The following AHR variants were observed in gnomAD, a reference collection of about 807,000 sequenced individuals.
AHR encodes the protein aryl hydrocarbon receptor, also known as AH-receptor.
A neutral mutation model predicts 86.8 loss-of-function variants in AHR; 40 were observed. That is an observed-to-expected ratio of 0.46 (90% CI 0.36 to 0.60). AHR has a LOEUF of 0.60. AHR is among the 20% of genes least tolerant of loss of function. AHR has a pLI of 0.00. For missense variants in AHR, 1,001 were observed against 1,011.6 expected, an observed-to-expected ratio of 0.99 and a Z score of 0.14; for synonymous variants, 398 against 354.9, an observed-to-expected ratio of 1.12 and a Z score of -1.37.
intron 1 of AHR, among the ~76,000 whole-genome samples, chr7:17,308,554 A>C (rs1344566560): frequency 6.6e-6 from 1 of 152,132 alleles, no homozygotes; most frequent in African/African-American, 2.4e-5. Flanking sequence ...GGTTAAGTGG[A>C]GAAGTGAAGT....
chr7:17,323,735 A>C (rs1782197505), intron 3 of AHR, among the ~76,000 whole-genome samples: 1 of 152,208 alleles, frequency 6.6e-6, no homozygotes, highest in Non-Finnish European at 1.5e-5. Flanking sequence ...TCACATTCAA[A>C]GTCCTGTTAG....
At position 17,344,061 on chromosome 7, in the gene AHR, C is replaced by G. The variant is rs1782456550; in HGVS notation, c.*997C>G. On this transcript the variant is annotated 3_prime_UTR_variant, in exon 11 of 11. Transcript: ENST00000242057. ...GTGAAAAATCTGCTGTTAACTGCAACCTTGTTTATTAAATTGCAAGAAGCT... is the reference window on the plus strand; with the variant it reads ...GTGAAAAATCTGCTGTTAACTGCAAGCTTGTTTATTAAATTGCAAGAAGCT... The G allele has an allele frequency of 6.6e-6, 1 of 152,572 alleles. No individual in the cohort carries two copies. The highest frequency in any genetic ancestry group is 2.4e-5 in the African/African-American group (1 of 41,426). The allele number at this position is 152,572 out of a possible 1,614,324, so 9.5% of individuals were successfully genotyped here.
chr7:17,338,907 G>A (rs1782384775), intron 9 of AHR, 79 bp from the exon 10 acceptor site: 12 of 1,342,238 alleles, frequency 8.9e-6, no homozygotes, highest in Non-Finnish European at 1.2e-5. Context: ...TTTGCTTTAT[G>A]TTTTTCTTTT....
intron 9 of AHR, among the ~76,000 whole-genome samples, chr7:17,337,564 A>T (rs1180847812): frequency 7.1e-5 from 10 of 141,550 alleles, no homozygotes; most frequent in Non-Finnish European, 1.5e-4. Flanking sequence ...AAGCTCCGCC[A>T]CCCGGGTTCA....
At chr7:17,337,476 GTT>G (rs371840495) in intron 9 of AHR, among the ~76,000 whole-genome samples, 4 of 134,580 alleles carry the variant, frequency 3.0e-5, no homozygotes, top group Non-Finnish European at 3.3e-5. Flanking sequence ...ACATCTTTCT[GTT>G]TTTTTTTTTT....
At chr7:17,312,354 T>C (rs1252677831) in intron 2 of AHR, among the ~76,000 whole-genome samples, 2 of 152,174 alleles carry the variant, frequency 1.3e-5, no homozygotes, top group Non-Finnish European at 2.9e-5. Flanking sequence ...TCAAATTATA[T>C]ATGTTAAAAA....
intron 6 of AHR, among the ~76,000 whole-genome samples, chr7:17,333,065 G>A (rs576827863): frequency 3.2e-4 from 49 of 152,112 alleles, no homozygotes; most frequent in Non-Finnish European, 6.9e-4. Context: ...GTACAGGTTT[G>A]TAGCCTAGGA....
At position 17,334,980 on chromosome 7, in the gene AHR, C is replaced by T. The variant is rs566364753; in HGVS notation, c.1002C>T (p.Ala334=). The change falls in exon 8 of 11, where the codon GCC becomes GCT. Residue 334 remains alanine, a synonymous_variant. Transcript: ENST00000242057. ...FIHAADMLYC[A]ESHIRMIKTG... is the part of the protein sequence containing the mutation. ...ATGCAGCTGATATGCTTTATTGTGC[C>T]GAGTCCCATATCCGAAGTAAGTTGT... The T allele has an allele frequency of 4.3e-6, 7 of 1,612,520 alleles. No homozygotes were observed. Among genetic ancestry groups the T allele is most frequent in the East Asian group, 2.2e-5 (1 of 44,818 alleles).
At position 17,345,657 on chromosome 7, in the gene AHR, T is replaced by A. The variant is rs987883265; in HGVS notation, c.*2593T>A. ...ATAGGCTTTTTAATCATGAATATGA[T>A]GACAATCAGTTATACAGTTATAAAA... On this transcript the variant is annotated 3_prime_UTR_variant, in exon 11 of 11. Coordinates refer to ENST00000242057, the MANE Select transcript of AHR (RefSeq NM_001621.5). The A allele has an allele frequency of 3.3e-5, 5 of 152,670 alleles. No homozygotes were observed. The highest frequency in any genetic ancestry group is 7.4e-5 in the Non-Finnish European group (5 of 68,014). The allele number at this position is 152,670 out of a possible 1,614,324, so 9.5% of individuals were successfully genotyped here.
chr7:17,342,179 A>G (rs1316528887), intron 10 of AHR, among the ~76,000 whole-genome samples: 2 of 152,116 alleles, frequency 1.3e-5, no homozygotes, highest in African/African-American at 2.4e-5. Flanking sequence ...CAGAACGTCC[A>G]CTAACTAAAA....
chr7:17,314,009 T>C (rs1782092006), intron 2 of AHR, among the ~76,000 whole-genome samples: 1 of 152,192 alleles, frequency 6.6e-6, no homozygotes, highest in African/African-American at 2.4e-5. Context: ...ATACAATTTT[T>C]AATGAGATTT....
At chr7:17,309,581 C>G (rs1342420020) in intron 1 of AHR, among the ~76,000 whole-genome samples, 1 of 152,160 alleles carries the variant, frequency 6.6e-6, no homozygotes, top group Non-Finnish European at 1.5e-5. Context: ...TAATTTATCA[C>G]AAATTTCTCT....
chr7:17,307,381 A>C (rs2052723070), intron 1 of AHR, among the ~76,000 whole-genome samples: 1 of 152,172 alleles, frequency 6.6e-6, no homozygotes, highest in Non-Finnish European at 1.5e-5. Context: ...ATAAGAAGTC[A>C]AATGGGGCAG....
rs755565130 is a variant in AHR, at chr7:17,344,629, CT to C, written c.*1583del. On this transcript the variant is annotated 3_prime_UTR_variant, in exon 11 of 11. Transcript: ENST00000242057. The stretch of plus-strand genomic sequence containing the variant: ...AGAAAAAATGACACCATCTTTTATT[CT>C]TTTTTTTTTTTTTTTTTGAGAGAGA... The C allele has an allele frequency of 2.7e-3, 341 of 126,884 alleles. 1 individual carries two copies. The highest frequency in any genetic ancestry group is 4.0e-3 in the Middle Eastern group (1 of 250). 7.9% of individuals were successfully genotyped at this position (126,884 alleles called of 1,614,324 possible).
intron 8 of AHR, 80 bp from the exon 9 acceptor site, chr7:17,335,565 C>A: frequency 8.0e-7 from 1 of 1,246,094 alleles, no homozygotes; most frequent in Non-Finnish European, 1.1e-6. Flanking sequence ...AGAACTATGT[C>A]ACAAGAGCTT....
At chr7:17,305,939 G>T (rs998261537) in intron 1 of AHR, among the ~76,000 whole-genome samples, 3 of 152,116 alleles carry the variant, frequency 2.0e-5, no homozygotes, top group Admixed American at 6.6e-5. Flanking sequence ...AAAGCTTGCA[G>T]GGCTTCTAAA....
At chr7:17,307,601 A>G (rs1782018659) in intron 1 of AHR, among the ~76,000 whole-genome samples, 1 of 152,212 alleles carries the variant, frequency 6.6e-6, no homozygotes, top group African/African-American at 2.4e-5. Context: ...AAATGAAGCT[A>G]GAAAGATCAT....
rs1235930849 is a variant in AHR at position 17,298,792 on chromosome 7, A to C, written c.-473A>C. On this transcript the variant is annotated 5_prime_UTR_variant, in exon 1 of 11. Coordinates refer to ENST00000242057, the MANE Select transcript of AHR (RefSeq NM_001621.5). ...CCGCGCCCGAGCTCCGCAGGCGGGA[A>C]GCACCCTGGATTTAGGAAGTCCCGG... is the stretch of plus-strand genomic sequence containing the variant. 1.0e-5 allele frequency: 4 copies of C among 397,930 alleles called. No individual in the cohort carries two copies. The highest frequency in any genetic ancestry group is 1.8e-5 in the Non-Finnish European group (4 of 225,736). 24.6% of individuals were successfully genotyped at this position (397,930 alleles called of 1,614,324 possible).
intron 2 of AHR, among the ~76,000 whole-genome samples, chr7:17,321,978 C>G (rs1226776226): frequency 6.6e-6 from 1 of 151,962 alleles, no homozygotes; most frequent in Non-Finnish European, 1.5e-5. Context: ...AGTTTTTACC[C>G]AAATGCTGGA....
Sources: gnomAD v4.1 joint callset for allele counts (sites outside exome capture counted in the v4.1 genomes callset) on GRCh38, gnomAD v4.1.1 for gene constraint, MANE v1.5 for transcripts, NCBI Gene and HGNC (gene_info 2026-07-23, HGNC 2026-07-21) for gene names.